PTCD1: variants seen among roughly 807,000 people sequenced by gnomAD.
The protein encoded by PTCD1 is pentatricopeptide repeat domain 1.
A neutral mutation model predicts 53.4 loss-of-function variants in PTCD1; 50 were observed. The ratio of observed to expected loss-of-function variants is 0.94; its 90% CI spans 0.75 to 1.19. The LOEUF is 1.19. PTCD1 is among the 50% of genes most tolerant of loss of function. The pLI, the probability that PTCD1 is intolerant of heterozygous loss-of-function variation, is 0.00. For synonymous variants in PTCD1, 413 were observed against 394.8 expected (o/e 1.05, Z -0.55); for missense variants, 918 against 904.8 (o/e 1.01, Z -0.19).
intron 2 of PTCD1, among the ~76,000 whole-genome samples, chr7:99,433,843 GGAATTC>G (rs1796348746): frequency 1.3e-5 from 2 of 152,178 alleles, no homozygotes; most frequent in African/African-American, 4.8e-5. Context: ...CACAAGGTCA[GGAATTC>G]GAGACCAGCC....
At chr7:99,436,836 T>C (rs1796484874) in intron 1 of PTCD1, among the ~76,000 whole-genome samples, 1 of 152,188 alleles carries the variant, frequency 6.6e-6, no homozygotes, top group South Asian at 2.1e-4. Context: ...TGCCACTCCT[T>C]CTTACAAGCA....
Position 99,419,331 on chromosome 7 carries a change from T to A in PTCD1, c.*636A>T, listed in dbSNP as rs1354400336. On this transcript the variant is annotated 3_prime_UTR_variant, in exon 8 of 8. Transcript: ENST00000292478. The stretch of plus-strand genomic sequence containing the variant: ...CTTCGTGGGAGGGTTGCCACATATG[T>A]GAGTGTGCAGGGGCGAGCGTGGCGC... The A allele has an allele frequency of 1.3e-6, 2 of 1,592,832 alleles. No individual in the cohort carries two copies. The highest frequency in any genetic ancestry group is 1.7e-6 in the Non-Finnish European group (2 of 1,164,252).
In PTCD1 at chr7:99,418,066, C is replaced by G; in HGVS notation, c.*1901G>C. 2.1e-6 allele frequency: 2 copies of G among 943,812 alleles called. No homozygotes were observed. Among genetic ancestry groups the G allele is most frequent in the Non-Finnish European group, 2.6e-6 (2 of 757,088 alleles). The allele number at this position is 943,812 out of a possible 1,614,324, so 58.5% of individuals were successfully genotyped here. ...CACTGCAACCTCCACCTCCCGGGTT[C>G]AAGCGGTTCTCCTGCCTCATCCTCC... On this transcript the variant is annotated 3_prime_UTR_variant, in exon 8 of 8. Transcript: ENST00000292478.
At position 99,419,888 on chromosome 7, in the gene PTCD1, G is replaced by A; in HGVS notation, c.*79C>T. ...CAGGGCCTGGCTCTTCCCCCAGGCA[G>A]GAGGTGACACCAGCTCACTTGTCCT... On this transcript the variant is annotated 3_prime_UTR_variant, in exon 8 of 8. Transcript: ENST00000292478. 2 of 1,605,424 alleles carry A rather than the reference G, an allele frequency of 1.2e-6. No homozygotes were observed. The highest frequency in any genetic ancestry group is 1.7e-6 in the Non-Finnish European group (2 of 1,176,422).
rs760453359 is a variant in PTCD1 at position 99,423,951 on chromosome 7, G to C, written c.1744C>G (p.Gln582Glu). The change falls in exon 7 of 8, where the codon CAG becomes GAG. Residue 582 changes from glutamine (Q) to glutamate (E), a missense_variant. Gln to Glu is a conservative substitution (Grantham distance 29). Coordinates refer to ENST00000292478, the MANE Select transcript of PTCD1 (RefSeq NM_015545.4). Reference protein sequence around the residue: ...LQLLTDMKKSQVTPNTHIYSA... With the variant: ...LQLLTDMKKSEVTPNTHIYSA... ...TAGATGTGAGTGTTGGGGGTCACCT[G>C]GGACTTCTAGAACACAGGGACATCG... is the stretch of plus-strand genomic sequence containing the variant. 1.7e-5 allele frequency: 28 copies of C among 1,614,096 alleles called. No homozygotes were observed. The highest frequency in any genetic ancestry group is 2.3e-5 in the Non-Finnish European group (27 of 1,179,986).
chr7:99,430,535 G>C (rs563182113), intron 3 of PTCD1, among the ~76,000 whole-genome samples: 1 of 152,352 alleles, frequency 6.6e-6, no homozygotes, highest in East Asian at 1.9e-4. Context: ...GTGCATTCAA[G>C]TGGGGTGGCC....
At chr7:99,435,890 G>A (rs1031328182) in intron 1 of PTCD1, among the ~76,000 whole-genome samples, 3 of 150,860 alleles carry the variant, frequency 2.0e-5, no homozygotes, top group African/African-American at 4.9e-5. Context: ...AGCTGAGATC[G>A]CGCCACTGCA....
At position 99,420,072 on chromosome 7, in the gene PTCD1, G is replaced by A. The variant is rs557968155; in HGVS notation, c.1998C>T (p.Pro666=). ...GCCAGGGGTGCGGGGTTTCCTCTGCGGGCATCACTGTCAGCCACTGCTTGT... is the reference window on the plus strand; with the variant it reads ...GCCAGGGGTGCGGGGTTTCCTCTGCAGGCATCACTGTCAGCCACTGCTTGT... The part of the protein sequence containing the change: ...AYYKQWLTVM[P]AEETPHPWQK... Residue 666 remains proline (P), a synonymous_variant, in exon 8 of 8, where the codon CCC becomes CCT. Transcript: ENST00000292478. The A allele has an allele frequency of 1.5e-4, 240 of 1,614,204 alleles. 3 individuals are homozygous for A. The South Asian group carries it at 2.4e-3, about 16-fold the overall frequency.
intron 4 of PTCD1, among the ~76,000 whole-genome samples, 170 bp downstream of exon 4, chr7:99,429,418 C>T (rs547512563): frequency 6.6e-6 from 1 of 152,248 alleles, no homozygotes; most frequent in African/African-American, 2.4e-5. Context: ...GTGGCATACA[C>T]AATCTCCAGT....
chr7:99,426,740 T>C (rs1796042760), intron 5 of PTCD1, among the ~76,000 whole-genome samples: 1 of 148,362 alleles, frequency 6.7e-6, no homozygotes, highest in Non-Finnish European at 1.5e-5. Flanking sequence ...GGAGCGCCTC[T>C]TCCCGGCCGC....
intron 1 of PTCD1, among the ~76,000 whole-genome samples, chr7:99,435,699 C>CA (rs1353752505): frequency 2.0e-5 from 3 of 147,772 alleles, no homozygotes; most frequent in Non-Finnish European, 4.5e-5. Context: ...CTCATGCCTG[C>CA]ACTCCCAGCA....
chr7:99,426,618 C>A (rs377442748), intron 5 of PTCD1, among the ~76,000 whole-genome samples: 1 of 152,058 alleles, frequency 6.6e-6, no homozygotes, highest in African/African-American at 2.4e-5. Context: ...AAGTGAGGAG[C>A]GTCTCTGCCT....
rs146399226 is a variant in PTCD1 at position 99,424,139 on chromosome 7, C to T, written c.1738-182G>A. Among the ~76,000 whole-genome samples the T allele has an allele frequency of 4.1e-3, 623 of 152,334 alleles. 5 individuals carry two copies. Among genetic ancestry groups the T allele is most frequent in the African/African-American group, 0.014 (580 of 41,564 alleles). On this transcript the variant is annotated intron_variant, in intron 6 of 7. Transcript: ENST00000292478. Reference sequence around the variant, plus strand: ...GAAAGCCAAGCCCAGCCCCTCTGCTCAGCCCTAAAGAAGCTGCGGAAAAGG... The same window carrying T: ...GAAAGCCAAGCCCAGCCCCTCTGCTTAGCCCTAAAGAAGCTGCGGAAAAGG...
Position 99,417,577 on chromosome 7 carries a change from CA to C in PTCD1, c.*2389del. 1 of 1,612,596 alleles carries C rather than the reference CA, an allele frequency of 6.2e-7. No homozygotes were observed. On this transcript the variant is annotated 3_prime_UTR_variant, in exon 8 of 8. Coordinates refer to ENST00000292478, the MANE Select transcript of PTCD1 (RefSeq NM_015545.4). Reference sequence around the variant, plus strand: ...GGACGAACTGCATCTGCCGCGTGCCCAAAAGCAAGCTGGAAGTGGTAATGTC... The same window carrying C: ...GGACGAACTGCATCTGCCGCGTGCCCAAAGCAAGCTGGAAGTGGTAATGTC...
At chr7:99,438,627 C>G in intron 1 of PTCD1, 65 bp downstream of exon 1, 3 of 1,191,620 alleles carry the variant, frequency 2.5e-6, no homozygotes, top group Non-Finnish European at 3.2e-6. Context: ...TCGGGCACTT[C>G]CTTCCCCTCT....
Position 99,425,060 on chromosome 7 carries a change from G to GT in PTCD1, c.1471dup (p.Thr491AsnfsTer23). 6.2e-7 allele frequency: 1 copy of GT among 1,614,134 alleles called. No individual in the cohort carries two copies. The highest frequency in any genetic ancestry group is 8.5e-7 in the Non-Finnish European group (1 of 1,180,036). ...GGACTCCACCACCTCGGCCAGTAGC[G>GT]TGAGGGTCCTGATGTCGGGCTGCTG... On this transcript the variant is annotated frameshift_variant, in exon 6 of 8. Coordinates refer to ENST00000292478, the MANE Select transcript of PTCD1 (RefSeq NM_015545.4). LOFTEE classifies it high-confidence loss of function.
At chr7:99,435,934 GAA>G (rs529153885) in intron 1 of PTCD1, among the ~76,000 whole-genome samples, 1 of 136,930 alleles carries the variant, frequency 7.3e-6, no homozygotes. Flanking sequence ...CTCTGTCTCA[GAA>G]AAAAAAAAAA....
At chr7:99,426,977 T>A (rs185451136) in intron 5 of PTCD1, among the ~76,000 whole-genome samples, 1 of 149,016 alleles carries the variant, frequency 6.7e-6, no homozygotes, top group Non-Finnish European at 1.5e-5. Context: ...CCCCTCCGCC[T>A]GGCAGCCGCC....
chr7:99,426,945 G>A (rs1215133073), intron 5 of PTCD1, among the ~76,000 whole-genome samples: 4 of 149,042 alleles, frequency 2.7e-5, no homozygotes, highest in East Asian at 4.1e-4. Flanking sequence ...CCTGGCAACC[G>A]CCCCATCTGA....
Sources: allele counts gnomAD v4.1 joint callset (sites outside exome capture counted in the v4.1 genomes callset), GRCh38; gene constraint gnomAD v4.1.1; transcripts MANE v1.5; gene names NCBI Gene and HGNC (gene_info 2026-07-23, HGNC 2026-07-21).